The following ADGRD1 variants were observed in gnomAD, a reference collection of about 807,000 sequenced individuals.
ADGRD1 encodes the protein adhesion G protein-coupled receptor D1, also known as G-protein coupled receptor 133.
ADGRD1 carries 77 observed loss-of-function variants against 113.4 expected under a neutral mutation model. That is an observed-to-expected ratio of 0.68 (90% CI 0.57 to 0.82). The LOEUF (loss-of-function observed/expected upper bound fraction) is 0.82. Among genes scored for constraint, ADGRD1 ranks in the 40% least tolerant of loss-of-function variants. ADGRD1 has a pLI of 0.00. For missense variants in ADGRD1, 1,036 were observed against 1,139.1 expected, an observed-to-expected ratio of 0.91 and a Z score of 1.30; for synonymous variants, 474 against 475.0, an observed-to-expected ratio of 1.00 and a Z score of 0.03.
chr12:131,105,809 G>A lies in ADGRD1; in HGVS notation c.1831G>A (p.Ala611Thr), dbSNP rs757126279. 1.4e-5 allele frequency: 22 copies of A among 1,600,988 alleles called. No individual in the cohort carries two copies. Among genetic ancestry groups the A allele is most frequent in the African/African-American group, 2.7e-5 (2 of 74,924 alleles). Reference protein sequence around the residue: ...RYHIHANLSFAVLVAQVLLLI... With the variant: ...RYHIHANLSFTVLVAQVLLLI... ...CCACATCCACGCCAACCTGTCCTTC[G>A]CCGTGCTGGTGGCCCAGGTCCTGCT... The change falls in exon 17 of 25, where the codon GCC (alanine) becomes ACC (threonine). Residue 611 changes from alanine (A) to threonine (T), a missense_variant. Transcript: ENST00000261654.
chr12:131,107,010 G>C (rs1319262704), intron 17 of ADGRD1, among the ~76,000 whole-genome samples: 4 of 152,222 alleles, frequency 2.6e-5, no homozygotes, highest in Admixed American at 1.3e-4. Context: ...CCATACTGGG[G>C]AGCAAGGTCC....
Position 131,084,476 on chromosome 12 carries a change from C to G in ADGRD1, c.1548-64C>G. On this transcript the variant is annotated intron_variant, in intron 14 of 24. Transcript: ENST00000261654. This position sits in a 1 kb window ranked among gnomAD's most constrained non-coding sequence, Gnocchi z 4.5. ...GCCATGTGTTATGGGGGGTGCTGCT[C>G]TCAGTCCCCTGCCTGCCAAGGGTGC... 1 of 1,597,294 alleles carries G rather than the reference C, an allele frequency of 6.3e-7. No homozygotes were observed. Among genetic ancestry groups the G allele is most frequent in the Non-Finnish European group, 8.6e-7 (1 of 1,167,380 alleles).
intron 13 of ADGRD1, among the ~76,000 whole-genome samples, chr12:131,019,846 C>G (rs1725800): frequency 1.7e-5 from 1 of 58,814 alleles, no homozygotes; most frequent in South Asian, 5.9e-4. Flanking sequence ...GGCAGGACCC[C>G]GAGCTCCGTC....
chr12:130,984,935 TTC>T lies in ADGRD1; in HGVS notation c.491-2154_491-2153del, dbSNP rs770956672. On this transcript the variant is annotated intron_variant, in intron 5 of 24. Transcript: ENST00000261654. The surrounding 1 kb of genome is among the most constrained non-coding windows in gnomAD (Gnocchi z 4.1). ...ACTCTCTCTCTCCTCTCTTCTCTCT[TTC>T]TCTCTTTCTTTCTTTTTCTTTCTGA... is the stretch of plus-strand genomic sequence containing the variant. 1.3e-5 allele frequency among the ~76,000 whole-genome samples: 2 copies of T among 151,316 alleles called. No individual in the cohort carries two copies. The highest frequency in any genetic ancestry group is 2.9e-5 in the Non-Finnish European group (2 of 67,854).
At chr12:130,967,229 C>T (rs1011196503) in intron 3 of ADGRD1, 2 of 327,746 alleles carry the variant, frequency 6.1e-6, no homozygotes, top group Non-Finnish European at 1.3e-5. Flanking sequence ...TACCAGTCAG[C>T]TTCCCCACAC....
intron 4 of ADGRD1, among the ~76,000 whole-genome samples, chr12:130,974,346 C>T (rs190576380): frequency 1.7e-4 from 26 of 152,150 alleles, no homozygotes; most frequent in East Asian, 5.8e-4. Flanking sequence ...ATATACTGGG[C>T]GCATCAGAAA....
chr12:130,991,105 C>T lies in ADGRD1; in HGVS notation c.810+27C>T, dbSNP rs142357859. On this transcript the variant is annotated intron_variant, in intron 7 of 24. Coordinates refer to ENST00000261654, the MANE Select transcript of ADGRD1 (RefSeq NM_198827.5). ...TGAGCAGACACATCTTCCTTGGTCCCCCTTGCTGATGTTCTTCTGCTTGGG... is the reference window on the plus strand; with the variant it reads ...TGAGCAGACACATCTTCCTTGGTCCTCCTTGCTGATGTTCTTCTGCTTGGG... The T allele has an allele frequency of 6.2e-4, 988 of 1,599,626 alleles. 5 individuals are homozygous for T. In the African/African-American group the frequency reaches 0.011, roughly 18 times the overall value.
intron 13 of ADGRD1, among the ~76,000 whole-genome samples, chr12:131,058,740 G>T (rs1259268840): frequency 6.6e-6 from 1 of 152,146 alleles, no homozygotes; most frequent in African/African-American, 2.4e-5. Context: ...TATTCTAATT[G>T]TCTGGCCTTG....
intron 20 of ADGRD1, among the ~76,000 whole-genome samples, chr12:131,129,096 G>A (rs1197511266): frequency 7.2e-6 from 1 of 138,478 alleles, no homozygotes; most frequent in Non-Finnish European, 1.6e-5. Context: ...CCGCCCTGCT[G>A]TCTGGGTGTG....
intron 13 of ADGRD1, among the ~76,000 whole-genome samples, chr12:131,071,593 T>C (rs1349163526): frequency 6.6e-6 from 1 of 152,174 alleles, no homozygotes; most frequent in Non-Finnish European, 1.5e-5. Context: ...ATGGAACCTC[T>C]CCACACATAC....
chr12:131,006,129 C>A, intron 12 of ADGRD1, 82 bp downstream of exon 12: 1 of 1,114,680 alleles, frequency 9.0e-7, no homozygotes, highest in Non-Finnish European at 1.4e-6. Flanking sequence ...GCCCGCCCCA[C>A]ACGCACAACA....
At chr12:131,125,019 GA>G (rs1950708527) in intron 20 of ADGRD1, among the ~76,000 whole-genome samples, 2 of 152,140 alleles carry the variant, frequency 1.3e-5, no homozygotes, top group Non-Finnish European at 2.9e-5. Flanking sequence ...TTAGCTTGTA[GA>G]TAACTGTCTT....
chr12:131,054,719 C>T (rs1208883700), intron 13 of ADGRD1, among the ~76,000 whole-genome samples: 1 of 152,226 alleles, frequency 6.6e-6, no homozygotes, highest in Non-Finnish European at 1.5e-5. Context: ...TCTCCGGTCA[C>T]TGGTCTTGGA....
At chr12:131,051,298 C>G (rs1000081860) in intron 13 of ADGRD1, among the ~76,000 whole-genome samples, 13 of 152,214 alleles carry the variant, frequency 8.5e-5, no homozygotes, top group Non-Finnish European at 2.9e-5. Flanking sequence ...AGCCAATGGC[C>G]TGCTTCATTT....
intron 13 of ADGRD1, among the ~76,000 whole-genome samples, chr12:131,034,903 T>C (rs1443971700): frequency 1.3e-5 from 2 of 152,140 alleles, no homozygotes; most frequent in African/African-American, 4.8e-5. Context: ...TCCTCACTGG[T>C]GCCCCACGCC....
In ADGRD1 at chr12:130,968,995, T is replaced by C. The variant is rs148045931; in HGVS notation, c.187+2449T>C. On this transcript the variant is annotated intron_variant, in intron 3 of 24. Transcript: ENST00000261654. Reference sequence around the variant, plus strand: ...CACCCAGCGTCCCGAACCCACAAGCTCACTGTGCTTCCTTCCCGTAATGCT... The same window carrying C: ...CACCCAGCGTCCCGAACCCACAAGCCCACTGTGCTTCCTTCCCGTAATGCT... The C allele has an allele frequency of 7.0e-4, 1,080 of 1,534,680 alleles. 6 individuals carry two copies. In the African/African-American group the frequency reaches 0.013, roughly 19 times the overall value.
intron 21 of ADGRD1, among the ~76,000 whole-genome samples, chr12:131,135,372 G>A (rs1951047295): frequency 6.6e-6 from 1 of 152,168 alleles, no homozygotes; most frequent in South Asian, 2.1e-4. Context: ...GCATGCTGAT[G>A]GGGCTGGTGT....
At chr12:130,993,410 A>T (rs1407015586) in intron 8 of ADGRD1, among the ~76,000 whole-genome samples, 1 of 93,528 alleles carries the variant, frequency 1.1e-5, no homozygotes, top group Non-Finnish European at 2.4e-5. Flanking sequence ...ATTCATTCAT[A>T]GACCATACTA....
Position 130,996,651 on chromosome 12 carries a change from C to CG in ADGRD1, c.967-3726dup, listed in dbSNP as rs545606726. Among the ~76,000 whole-genome samples the CG allele has an allele frequency of 7.2e-5, 7 of 97,366 alleles. 1 individual carries two copies. Among genetic ancestry groups the CG allele is most frequent in the Admixed American group, 9.0e-5 (1 of 11,098 alleles). The allele number at this position is 97,366 out of a possible 152,430, so 63.9% of individuals were successfully genotyped here. A position where few individuals can be genotyped will look rare whatever the true frequency, so the allele number is the denominator to read the frequency against. On this transcript the variant is annotated intron_variant, in intron 8 of 24. Transcript: ENST00000261654. ...CTCCCGGACGAGGCGGCTGGCCGGG[C>CG]GGGGGGCTGACCCCCCCACCTCCCT...
Sources: allele counts gnomAD v4.1 joint callset (sites outside exome capture counted in the v4.1 genomes callset), GRCh38; gene constraint gnomAD v4.1.1; non-coding constraint Gnocchi (gnomAD v3.1); transcripts MANE v1.5; gene names NCBI Gene and HGNC (gene_info 2026-07-23, HGNC 2026-07-21).